Variants in BABAM2 observed in about 807,000 individuals in gnomAD.
The protein encoded by BABAM2 is BRISC and BRCA1 A complex member 2, also known as BRISC and BRCA1-A complex member 2.
Under a neutral mutation model 54.7 loss-of-function variants are expected in BABAM2, and 31 were observed. The observed-to-expected ratio is 0.57, with a 90% CI of 0.43 to 0.77. BABAM2 has a LOEUF of 0.77. Among genes scored for constraint, BABAM2 ranks in the 30% least tolerant of loss-of-function variants. The probability of loss-of-function intolerance (pLI) is 0.00; values close to 1 mark genes in which losing one functional copy is unlikely to be tolerated. For synonymous variants in BABAM2, 167 were observed against 162.9 expected, an observed-to-expected ratio of 1.03 and a Z score of -0.19; for missense variants, 364 against 455.8, an observed-to-expected ratio of 0.80 and a Z score of 1.83.
intron 5 of BABAM2, among the ~76,000 whole-genome samples, chr2:28,043,030 A>G (rs1321383353): frequency 6.6e-6 from 1 of 152,080 alleles, no homozygotes; most frequent in Non-Finnish European, 1.5e-5. Flanking sequence ...TCTCAAAAAA[A>G]TAAAAAAAAT....
chr2:28,069,503 G>A (rs2148655636), intron 6 of BABAM2, among the ~76,000 whole-genome samples: 1 of 152,302 alleles, frequency 6.6e-6, no homozygotes, highest in East Asian at 1.9e-4. Flanking sequence ...AAATGGAACT[G>A]TTTCAGATAG....
At chr2:28,108,568 A>C (rs1410251893) in intron 6 of BABAM2, among the ~76,000 whole-genome samples, 2 of 152,226 alleles carry the variant, frequency 1.3e-5, no homozygotes, top group African/African-American at 2.4e-5. Flanking sequence ...GTTCATCAGC[A>C]CTTCTATAAT....
chr2:28,082,310 A>G (rs1418917432), intron 6 of BABAM2, among the ~76,000 whole-genome samples: 1 of 152,226 alleles, frequency 6.6e-6, no homozygotes, highest in East Asian at 1.9e-4. Context: ...GTGGTTGAGC[A>G]CTGGTATTTC....
chr2:28,254,643 T>G (rs530781177), intron 10 of BABAM2, among the ~76,000 whole-genome samples: 1 of 152,258 alleles, frequency 6.6e-6, no homozygotes, highest in East Asian at 1.9e-4. Flanking sequence ...CTTTTTAATT[T>G]CCTGAATATT....
At chr2:28,169,115 T>G (rs1225815160) in intron 7 of BABAM2, among the ~76,000 whole-genome samples, 3 of 152,212 alleles carry the variant, frequency 2.0e-5, no homozygotes, top group Non-Finnish European at 2.9e-5. Context: ...CCAGTAAGGA[T>G]TGTGGGTCAG....
intron 7 of BABAM2, among the ~76,000 whole-genome samples, chr2:28,184,257 T>TCCCC (rs1675999434): frequency 3.1e-5 from 2 of 65,324 alleles, no homozygotes; most frequent in African/African-American, 6.1e-5. Context: ...TCTCCCTCCC[T>TCCCC]CCCTCCCTCT....
At chr2:28,103,301 T>TTTTG (rs1667240026) in intron 6 of BABAM2, among the ~76,000 whole-genome samples, 2 of 149,628 alleles carry the variant, frequency 1.3e-5, no homozygotes, top group African/African-American at 2.5e-5. Flanking sequence ...TTACTTAGTA[T>TTTTG]TTTTGTTTTG....
At chr2:28,120,787 G>A (rs1029881522) in intron 6 of BABAM2, among the ~76,000 whole-genome samples, 1 of 152,154 alleles carries the variant, frequency 6.6e-6, no homozygotes, top group Non-Finnish European at 1.5e-5. Flanking sequence ...GAAAACTACC[G>A]AGGGAGGACA....
chr2:27,917,611 A>G (rs1667075629), intron 2 of BABAM2, among the ~76,000 whole-genome samples: 1 of 152,160 alleles, frequency 6.6e-6, no homozygotes, highest in Non-Finnish European at 1.5e-5. Flanking sequence ...TGACCTAGTC[A>G]GCTCTCAAAG....
chr2:28,266,687 G>A (rs573759195), intron 10 of BABAM2, among the ~76,000 whole-genome samples: 2 of 152,282 alleles, frequency 1.3e-5, no homozygotes, highest in South Asian at 4.2e-4. Flanking sequence ...CACACGCCTG[G>A]GTCTAAGGAC....
chr2:27,927,224 A>G (rs183437604), intron 2 of BABAM2, among the ~76,000 whole-genome samples: 319 of 152,286 alleles, frequency 2.1e-3, no homozygotes, highest in African/African-American at 7.5e-3. Flanking sequence ...TGGCCCAATA[A>G]TGAGTGTAAC....
chr2:28,281,131 G>A (rs1366726853), intron 10 of BABAM2, among the ~76,000 whole-genome samples: 1 of 152,024 alleles, frequency 6.6e-6, no homozygotes, highest in Non-Finnish European at 1.5e-5. Context: ...AGCTTGATGG[G>A]CTATACCACA....
At chr2:27,954,900 G>A (rs1159230681) in intron 3 of BABAM2, among the ~76,000 whole-genome samples, 2 of 152,086 alleles carry the variant, frequency 1.3e-5, no homozygotes, top group Non-Finnish European at 2.9e-5. Context: ...ATGGCATTCA[G>A]TGGGCTCGTG....
chr2:28,104,975 T>G, intron 6 of BABAM2, among the ~76,000 whole-genome samples: 1 of 135,792 alleles, frequency 7.4e-6, no homozygotes, highest in Non-Finnish European at 1.5e-5. Context: ...CACTCATAGG[T>G]GGGAATTGAA....
intron 7 of BABAM2, among the ~76,000 whole-genome samples, chr2:28,133,945 C>A (rs968958493): frequency 6.6e-6 from 1 of 152,140 alleles, no homozygotes; most frequent in Non-Finnish European, 1.5e-5. Flanking sequence ...GTGTCCCTGG[C>A]AGCCCTGCCG....
intron 3 of BABAM2, among the ~76,000 whole-genome samples, chr2:27,985,057 A>ATGTGTGTGTGTG (rs35552031): frequency 0.01 from 1,424 of 137,470 alleles, 36 homozygotes; most frequent in African/African-American, 0.036. Flanking sequence ...GTATTCCATG[A>ATGTGTGTGTGTG]TGTGTGTGTG....
intron 4 of BABAM2, among the ~76,000 whole-genome samples, chr2:27,991,224 T>G (rs1029535810): frequency 5.3e-5 from 8 of 152,138 alleles, no homozygotes; most frequent in African/African-American, 1.9e-4. Flanking sequence ...TTCTCTGGGC[T>G]ATTTTTATGA....
At chr2:28,121,330 A>G (rs1264701600) in intron 6 of BABAM2, among the ~76,000 whole-genome samples, 1 of 152,182 alleles carries the variant, frequency 6.6e-6, no homozygotes, top group African/African-American at 2.4e-5. Context: ...TATGAAGAGG[A>G]AATAACCTAA....
At chr2:27,945,310 T>C (rs1487745107) in intron 3 of BABAM2, among the ~76,000 whole-genome samples, 3 of 152,124 alleles carry the variant, frequency 2.0e-5, no homozygotes. Flanking sequence ...ATTACAGGCA[T>C]GAGCTACCAT....
Sources: allele counts gnomAD v4.1 joint callset (sites outside exome capture counted in the v4.1 genomes callset), GRCh38; gene constraint gnomAD v4.1.1; transcripts MANE v1.5; gene names NCBI Gene and HGNC (gene_info 2026-07-23, HGNC 2026-07-21).